Variants in AKAP9 observed in about 807,000 individuals in gnomAD.
AKAP9 encodes A-kinase anchor protein 9.
A neutral mutation model predicts 488.5 loss-of-function variants in AKAP9; 311 were observed. That is an observed-to-expected ratio of 0.64 (90% CI 0.58 to 0.70). The LOEUF (loss-of-function observed/expected upper bound fraction) is 0.70. AKAP9 is among the 30% of genes least tolerant of loss of function. AKAP9 has a pLI of 0.00. For missense variants in AKAP9, 4,215 were observed against 4,374.5 expected (o/e 0.96, Z 1.03); for synonymous variants, 1,462 against 1,483.5 (o/e 0.99, Z 0.33).
Position 91,941,070 on chromosome 7 carries a change from C to G in AKAP9, c.-30C>G, listed in dbSNP as rs374074908. 2.5e-6 allele frequency: 4 copies of G among 1,608,946 alleles called. No homozygotes were observed. The highest frequency in any genetic ancestry group is 3.4e-6 in the Non-Finnish European group (4 of 1,175,354). ...TCTATCCCCAACCACCCCTCAACCC[C>G]TGTTTTCCCCTGCCTTCCTTGCAGA... On this transcript the variant is annotated 5_prime_UTR_variant, in exon 1 of 50. Coordinates refer to ENST00000356239, the MANE Select transcript of AKAP9 (RefSeq NM_005751.5).
intron 3 of AKAP9, among the ~76,000 whole-genome samples, chr7:91,985,613 A>T (rs1433428278): frequency 6.6e-6 from 1 of 152,060 alleles, no homozygotes; most frequent in Non-Finnish European, 1.5e-5. Flanking sequence ...TATCAGGATG[A>T]TGCTGGCCTC....
At chr7:92,058,218 G>A (rs1809150259) in intron 22 of AKAP9, 1 of 592,180 alleles carries the variant, frequency 1.7e-6, no homozygotes, top group African/African-American at 1.8e-5. Context: ...AGTGGCTCGT[G>A]GTTAGAAGAG....
intron 8 of AKAP9, among the ~76,000 whole-genome samples, chr7:92,009,711 A>G (rs541094748): frequency 1.3e-5 from 2 of 152,354 alleles, no homozygotes; most frequent in East Asian, 3.9e-4. Context: ...CTACAAACAA[A>G]TAAAATTATA....
intron 10 of AKAP9, among the ~76,000 whole-genome samples, chr7:92,014,656 TAAATA>T (rs1379881245): frequency 1.3e-5 from 2 of 152,046 alleles, no homozygotes; most frequent in African/African-American, 4.8e-5. Context: ...TTTTAAAAAA[TAAATA>T]AAAGGTACTT....
chr7:91,989,405 A>G (rs1252138736), intron 3 of AKAP9, among the ~76,000 whole-genome samples: 1 of 152,150 alleles, frequency 6.6e-6, no homozygotes, highest in Admixed American at 6.5e-5. Context: ...ATTAAATTAT[A>G]TGCAGTCATC....
At position 91,974,061 on chromosome 7, in the gene AKAP9, A is replaced by G; in HGVS notation, c.306+93A>G. The stretch of plus-strand genomic sequence containing the variant: ...AGCAACTGTGCGCAATTTGATCATG[A>G]TTTTTATGTCCTCTTGAAAGTTTTA... On this transcript the variant is annotated intron_variant, in intron 2 of 49. Transcript: ENST00000356239. 2.1e-6 allele frequency: 3 copies of G among 1,459,658 alleles called. No homozygotes were observed. In the South Asian group the frequency reaches 3.5e-5, roughly 17 times the overall value. The allele number at this position is 1,459,658 out of a possible 1,614,324, so 90.4% of individuals were successfully genotyped here.
rs938660241 is a variant in AKAP9, at chr7:92,083,839, T to C, written c.8646+184T>C. The C allele has an allele frequency of 6.5e-6, 4 of 613,666 alleles. No homozygotes were observed. In the Admixed American group the frequency reaches 9.1e-5, roughly 14 times the overall value. The allele number at this position is 613,666 out of a possible 1,614,324, so 38.0% of individuals were successfully genotyped here. ...TAGTACAATATTCCTTTTTTTTCTTTTGTTATACTTTAAGTTCTGGGATAC... is the reference window on the plus strand; with the variant it reads ...TAGTACAATATTCCTTTTTTTTCTTCTGTTATACTTTAAGTTCTGGGATAC... On this transcript the variant is annotated intron_variant, in intron 33 of 49. Transcript: ENST00000356239.
intron 46 of AKAP9, among the ~76,000 whole-genome samples, chr7:92,104,522 A>G (rs1818211872): frequency 1.3e-5 from 2 of 152,110 alleles, no homozygotes; most frequent in South Asian, 4.1e-4. Context: ...ACAGTTTTTT[A>G]ATTGGAAGCT....
At chr7:92,063,477 C>T in intron 24 of AKAP9, 4 of 981,386 alleles carry the variant, frequency 4.1e-6, no homozygotes, top group Non-Finnish European at 4.8e-6. Flanking sequence ...GTAGATGCTG[C>T]AGTCGATGCA....
chr7:91,944,675 CT>C (rs1377571708), intron 1 of AKAP9, among the ~76,000 whole-genome samples: 3 of 152,170 alleles, frequency 2.0e-5, no homozygotes, highest in Non-Finnish European at 4.4e-5. Context: ...GCATGAGCCA[CT>C]GCACTCAGCC....
chr7:92,013,664 CA>C (rs773847435), intron 9 of AKAP9, among the ~76,000 whole-genome samples: 3 of 152,190 alleles, frequency 2.0e-5, no homozygotes, highest in Non-Finnish European at 4.4e-5. Context: ...AAGAAGTTTG[CA>C]TTCAAAAGTA....
intron 8 of AKAP9, among the ~76,000 whole-genome samples, chr7:92,004,571 T>C (rs1799571830): frequency 6.6e-6 from 1 of 151,800 alleles, no homozygotes. Context: ...TTTATTCTCA[T>C]TGAAGCAATT....
intron 1 of AKAP9, among the ~76,000 whole-genome samples, chr7:91,957,406 T>C (rs990868049): frequency 6.6e-6 from 1 of 152,186 alleles, no homozygotes; most frequent in Non-Finnish European, 1.5e-5. Context: ...AAAGCATCTT[T>C]GAATTATTTC....
chr7:92,097,939 A>T, intron 42 of AKAP9, 145 bp downstream of exon 42: 1 of 936,480 alleles, frequency 1.1e-6, no homozygotes, highest in Non-Finnish European at 1.7e-6. Context: ...TCTTTAACAG[A>T]ACTCAAATGT....
At chr7:92,040,924 C>T (rs1223386153) in intron 18 of AKAP9, 26 bp downstream of exon 18, 1 of 1,566,582 alleles carries the variant, frequency 6.4e-7, no homozygotes, top group African/African-American at 1.4e-5. Flanking sequence ...TCCCCTTTCT[C>T]TCCCCAGTTA....
intron 6 of AKAP9, 104 bp from the exon 7 acceptor site, chr7:91,995,499 C>A: frequency 1.0e-6 from 1 of 993,294 alleles, no homozygotes; most frequent in South Asian, 1.4e-5. Flanking sequence ...GGTCTCAAGC[C>A]TGCAGAGTTC....
intron 1 of AKAP9, 123 bp from the exon 2 acceptor site, chr7:91,973,587 AT>A (rs1795335289): frequency 9.4e-7 from 1 of 1,065,470 alleles, no homozygotes; most frequent in Admixed American, 2.6e-5. Context: ...ATTGTTCTTT[AT>A]TTTTTCATTT....
chr7:92,102,488 TACC>T (rs67203467), intron 45 of AKAP9, 103 bp from the exon 46 acceptor site: 202 of 539,804 alleles, frequency 3.7e-4, no homozygotes, highest in African/African-American at 5.2e-4. Flanking sequence ...CTACTACTAC[TACC>T]ACCACCACCA....
At chr7:91,989,146 A>G (rs538552217) in intron 3 of AKAP9, among the ~76,000 whole-genome samples, 28 of 147,398 alleles carry the variant, frequency 1.9e-4, no homozygotes, top group Admixed American at 4.8e-4. Flanking sequence ...CCCTTAATAA[A>G]TTGTTCTCAG....
Sources: gnomAD v4.1 joint callset for allele counts (sites outside exome capture counted in the v4.1 genomes callset) on GRCh38, gnomAD v4.1.1 for gene constraint, MANE v1.5 for transcripts, NCBI Gene and HGNC (gene_info 2026-07-23, HGNC 2026-07-21) for gene names.